Variants in NTM observed in about 807,000 individuals in gnomAD.
NTM encodes IgLON family member 2.
Under a neutral mutation model 42.1 loss-of-function variants are expected in NTM, and 13 were observed. The observed-to-expected ratio is 0.31, with a 90% confidence interval of 0.20 to 0.49. NTM has a LOEUF of 0.49. NTM is among the 20% of genes least tolerant of loss of function. The probability of loss-of-function intolerance (pLI) is 0.99; values close to 1 mark genes in which losing one functional copy is unlikely to be tolerated. For missense variants in NTM, 373 were observed against 452.8 expected (o/e 0.82, Z 1.60); for synonymous variants, 187 against 179.2 (o/e 1.04, Z -0.35).
chr11:132,175,153 G>T (rs2076621706), intron 3 of NTM, among the ~76,000 whole-genome samples: 1 of 152,162 alleles, frequency 6.6e-6, no homozygotes, highest in African/African-American at 2.4e-5. Context: ...ATGTGTACAT[G>T]TAGGATTTTT....
rs918379403 is a variant in NTM, at chr11:132,236,820, C to A, written c.526+24673C>A. ...AATGGCTGGCCTTACTGACTCCCTC[C>A]GAAAGAATGGAGTGAGGTGGAAGGA... On this transcript the variant is annotated intron_variant, in intron 4 of 8. Coordinates refer to ENST00000683400, the MANE Select transcript of NTM (RefSeq NM_001352005.2). 1.3e-5 allele frequency among the ~76,000 whole-genome samples: 2 copies of A among 152,162 alleles called. 1 individual carries two copies. The highest frequency in any genetic ancestry group is 1.3e-4 in the Admixed American group (2 of 15,276).
chr11:131,724,179 A>G (rs1405203080), intron 1 of NTM, among the ~76,000 whole-genome samples: 1 of 152,132 alleles, frequency 6.6e-6, no homozygotes, highest in African/African-American at 2.4e-5. Context: ...TCCTGTCCAG[A>G]TGCTGAGCCA....
chr11:131,933,884 G>T (rs1057246137), intron 2 of NTM, among the ~76,000 whole-genome samples: 2 of 151,870 alleles, frequency 1.3e-5, no homozygotes, highest in African/African-American at 4.8e-5. Context: ...TTTTTTCTGG[G>T]GGGGGATGTT....
At chr11:131,423,698 G>A (rs575828950) in intron 1 of NTM, among the ~76,000 whole-genome samples, 4 of 152,286 alleles carry the variant, frequency 2.6e-5, no homozygotes, top group African/African-American at 4.8e-5. Flanking sequence ...GACCATGAGC[G>A]CTTTCTGATG....
chr11:131,950,957 C>A (rs1203379827), intron 2 of NTM, among the ~76,000 whole-genome samples: 2 of 152,100 alleles, frequency 1.3e-5, no homozygotes, highest in Non-Finnish European at 2.9e-5. Context: ...AGGAATTATT[C>A]TTGTGTTCTG....
chr11:131,500,578 T>TATATATATATATATATA (rs1491209927), intron 1 of NTM, among the ~76,000 whole-genome samples: 2 of 1,550 alleles, frequency 1.3e-3, no homozygotes, highest in Non-Finnish European at 2.6e-3. Flanking sequence ...TATATATATA[T>TATATATATATATATATA]TTTTTTTTTT....
intron 3 of NTM, among the ~76,000 whole-genome samples, chr11:132,185,574 G>A (rs1011939851): frequency 3.3e-5 from 5 of 152,088 alleles, no homozygotes; most frequent in African/African-American, 1.2e-4. Flanking sequence ...TACATAAATG[G>A]GTCGTGGTAA....
At chr11:131,558,070 C>G (rs1183605132) in intron 1 of NTM, among the ~76,000 whole-genome samples, 1 of 152,200 alleles carries the variant, frequency 6.6e-6, no homozygotes, top group Non-Finnish European at 1.5e-5. Flanking sequence ...ACTTGCCGAG[C>G]CTTTTGTGCT....
chr11:131,727,254 C>T lies in NTM; in HGVS notation c.83-184310C>T, dbSNP rs1260154314. Among the ~76,000 whole-genome samples, 6 of 145,140 alleles carry T rather than the reference C, an allele frequency of 4.1e-5. 1 individual carries two copies. Among genetic ancestry groups the T allele is most frequent in the African/African-American group, 1.7e-4 (6 of 34,796 alleles). On this transcript the variant is annotated intron_variant, in intron 1 of 8. Coordinates refer to ENST00000683400, the MANE Select transcript of NTM (RefSeq NM_001352005.2). ...AAAGCAACAAGTTTATATAGAAATG[C>T]TTTCTTCATCCTTCTAATTACACAT...
chr11:132,314,178 CCATCAT>C (rs3028804), intron 6 of NTM, among the ~76,000 whole-genome samples: 4,892 of 151,310 alleles, frequency 0.032, 119 homozygotes, highest in Non-Finnish European at 0.045. Flanking sequence ...ATCACCATCA[CCATCAT>C]CATCATCAGG....
At chr11:132,044,652 T>G (rs2077728390) in intron 2 of NTM, among the ~76,000 whole-genome samples, 1 of 152,152 alleles carries the variant, frequency 6.6e-6, no homozygotes, top group South Asian at 2.1e-4. Flanking sequence ...ATTGGGACCT[T>G]CGCCAGTGCA....
intron 3 of NTM, among the ~76,000 whole-genome samples, chr11:132,169,949 T>C (rs998851492): frequency 6.6e-6 from 1 of 152,140 alleles, no homozygotes; most frequent in Non-Finnish European, 1.5e-5. Context: ...GTTAGGAAGT[T>C]ATTCCAGGAC....
At chr11:131,486,860 A>G (rs1403322330) in intron 1 of NTM, among the ~76,000 whole-genome samples, 1 of 152,152 alleles carries the variant, frequency 6.6e-6, no homozygotes, top group Non-Finnish European at 1.5e-5. Flanking sequence ...CCCTCTTAGG[A>G]AGCAGACGAA....
chr11:131,520,148 C>T (rs2049433757), intron 1 of NTM, among the ~76,000 whole-genome samples: 1 of 152,194 alleles, frequency 6.6e-6, no homozygotes, highest in Non-Finnish European at 1.5e-5. Flanking sequence ...TAAAACATCA[C>T]ATTTCTAAGT....
intron 1 of NTM, among the ~76,000 whole-genome samples, chr11:131,680,527 C>T (rs551683520): frequency 3.5e-5 from 2 of 57,196 alleles, no homozygotes; most frequent in East Asian, 5.5e-4. Context: ...GAGATCATGG[C>T]TGTGTCTGTG....
chr11:131,576,921 A>C (rs565846884), intron 1 of NTM, among the ~76,000 whole-genome samples: 1 of 152,234 alleles, frequency 6.6e-6, no homozygotes, highest in Non-Finnish European at 1.5e-5. Context: ...AAGATTAAAT[A>C]AGTTAATCTT....
chr11:131,437,247 G>T (rs1949213276), intron 1 of NTM, among the ~76,000 whole-genome samples: 1 of 152,214 alleles, frequency 6.6e-6, no homozygotes, highest in Non-Finnish European at 1.5e-5. Context: ...GTGCTGAGAA[G>T]AATGTATATT....
chr11:131,956,162 A>G (rs1277224281), intron 2 of NTM, among the ~76,000 whole-genome samples: 1 of 152,180 alleles, frequency 6.6e-6, no homozygotes, highest in East Asian at 1.9e-4. Flanking sequence ...AGACCCAGTC[A>G]GGGCCAGGCG....
intron 1 of NTM, among the ~76,000 whole-genome samples, chr11:131,450,922 C>A (rs1329868499): frequency 6.6e-6 from 1 of 151,382 alleles, no homozygotes; most frequent in Non-Finnish European, 1.5e-5. Flanking sequence ...TTTTTTTCTC[C>A]AGAACTTAGG....
Sources: allele counts gnomAD v4.1 joint callset (sites outside exome capture counted in the v4.1 genomes callset), GRCh38; gene constraint gnomAD v4.1.1; transcripts MANE v1.5; gene names NCBI Gene and HGNC (gene_info 2026-07-23, HGNC 2026-07-21).